Variants in FBXL7 observed in about 807,000 individuals in gnomAD.
FBXL7 encodes F-box/LRR-repeat protein 7.
FBXL7 carries 12 observed loss-of-function variants against 38.3 expected under a neutral mutation model. That is an observed-to-expected ratio of 0.31 (90% confidence interval 0.20 to 0.51). The LOEUF is 0.51. Ranked by LOEUF, FBXL7 falls within the 20% of genes least tolerant of loss-of-function variation. The pLI is 0.98. For missense variants in FBXL7, 567 were observed against 676.4 expected (o/e 0.84, Z 1.79); for synonymous variants, 297 against 300.9 (o/e 0.99, Z 0.13).
At chr5:15,706,313 T>C (rs1028309297) in intron 2 of FBXL7, among the ~76,000 whole-genome samples, 2 of 152,278 alleles carry the variant, frequency 1.3e-5, no homozygotes, top group Admixed American at 6.5e-5. Flanking sequence ...ACCAACTCTC[T>C]CTTGCTCCCA....
At chr5:15,683,416 C>G (rs1163703842) in intron 2 of FBXL7, among the ~76,000 whole-genome samples, 2 of 152,232 alleles carry the variant, frequency 1.3e-5, no homozygotes, top group African/African-American at 4.8e-5. Context: ...GGGCTGTGCT[C>G]TCCGTCACCC....
chr5:15,667,085 T>C (rs1742307739), intron 2 of FBXL7, among the ~76,000 whole-genome samples: 1 of 152,204 alleles, frequency 6.6e-6, no homozygotes, highest in African/African-American at 2.4e-5. Flanking sequence ...TATGGGGATA[T>C]ATTGATGGTA....
intron 2 of FBXL7, among the ~76,000 whole-genome samples, chr5:15,664,985 A>T (rs1410575823): frequency 2.6e-5 from 4 of 152,116 alleles, no homozygotes; most frequent in Non-Finnish European, 5.9e-5. Flanking sequence ...TTAATACCAT[A>T]AAGATGTTAA....
At position 15,774,734 on chromosome 5, in the gene FBXL7, CA is replaced by C. The variant is rs1736816773; in HGVS notation, c.128-153153del. On this transcript the variant is annotated intron_variant, in intron 2 of 3. Coordinates refer to ENST00000504595, the MANE Select transcript of FBXL7 (RefSeq NM_012304.5). ...GTTTAATAATGGCACAAACTAATTT[CA>C]AAGTAGTTAGAGCGACAGTTTTTCC... Among the ~76,000 whole-genome samples the C allele has an allele frequency of 2.6e-5, 4 of 152,176 alleles. No homozygotes were observed. The South Asian group carries it at 8.3e-4, about 31-fold the overall frequency.
intron 2 of FBXL7, among the ~76,000 whole-genome samples, chr5:15,830,527 G>GA (rs1738430006): frequency 8.5e-6 from 1 of 117,366 alleles, no homozygotes; most frequent in South Asian, 3.0e-4. Flanking sequence ...CACACACACG[G>GA]AAAATTTTGC....
chr5:15,594,223 G>A (rs1180547171), intron 1 of FBXL7, among the ~76,000 whole-genome samples: 1 of 152,160 alleles, frequency 6.6e-6, no homozygotes, highest in Non-Finnish European at 1.5e-5. Context: ...GGTTGAGAAG[G>A]CTAAACAGGA....
intron 1 of FBXL7, among the ~76,000 whole-genome samples, chr5:15,556,320 A>G (rs1738238150): frequency 6.6e-6 from 1 of 152,156 alleles, no homozygotes; most frequent in East Asian, 2.0e-4. Context: ...TCTGAGCCCA[A>G]GCAGCCAGGC....
intron 2 of FBXL7, among the ~76,000 whole-genome samples, chr5:15,878,213 G>T (rs185185502): frequency 3.3e-5 from 5 of 152,318 alleles, no homozygotes; most frequent in African/African-American, 1.2e-4. Flanking sequence ...AAGTTGCGGG[G>T]AGTCAGGGAT....
intron 2 of FBXL7, among the ~76,000 whole-genome samples, chr5:15,778,423 G>T (rs1736911777): frequency 6.6e-6 from 1 of 152,036 alleles, no homozygotes; most frequent in Non-Finnish European, 1.5e-5. Flanking sequence ...AACGCTGGGT[G>T]CACAATTAAA....
chr5:15,692,266 G>A (rs1743205894), intron 2 of FBXL7, among the ~76,000 whole-genome samples: 1 of 152,182 alleles, frequency 6.6e-6, no homozygotes, highest in African/African-American at 2.4e-5. Flanking sequence ...CTGAGGTAAT[G>A]CATTTAAGTT....
In FBXL7 at chr5:15,708,399, C is replaced by T. The variant is rs558572794; in HGVS notation, c.127+92327C>T. 2.7e-3 allele frequency among the ~76,000 whole-genome samples: 404 copies of T among 152,328 alleles called. 1 individual carries two copies. The highest frequency in any genetic ancestry group is 9.4e-3 in the African/African-American group (389 of 41,576). Reference sequence around the variant, plus strand: ...TAGCAGATGTAAAGGGGTACCCTTACCTAATTTTCCCTGCTAATTCACTCC... The same window carrying T: ...TAGCAGATGTAAAGGGGTACCCTTATCTAATTTTCCCTGCTAATTCACTCC... On this transcript the variant is annotated intron_variant, in intron 2 of 3. Coordinates refer to ENST00000504595, the MANE Select transcript of FBXL7 (RefSeq NM_012304.5).
At chr5:15,733,519 G>C (rs765890892) in intron 2 of FBXL7, among the ~76,000 whole-genome samples, 2 of 152,200 alleles carry the variant, frequency 1.3e-5, no homozygotes, top group African/African-American at 4.8e-5. Flanking sequence ...AGTATGCCAT[G>C]AATGGAACAC....
intron 2 of FBXL7, among the ~76,000 whole-genome samples, chr5:15,692,017 C>T (rs1743197252): frequency 6.6e-6 from 1 of 152,104 alleles, no homozygotes; most frequent in Admixed American, 6.5e-5. Context: ...TGTGCCGTGG[C>T]TGAGCGTCTG....
intron 1 of FBXL7, 79 bp downstream of exon 1, chr5:15,500,792 G>A: frequency 1.3e-6 from 2 of 1,539,794 alleles, no homozygotes; most frequent in Non-Finnish European, 1.8e-6. Flanking sequence ...TGGGAAGGGA[G>A]GTTCTCGCCC....
At chr5:15,923,930 A>G (rs62348089) in intron 2 of FBXL7, among the ~76,000 whole-genome samples, 8,342 of 152,064 alleles carry the variant, frequency 0.055, 748 homozygotes, top group African/African-American at 0.19. Flanking sequence ...CTGCTTCAAG[A>G]TGAATACAAC....
chr5:15,852,336 G>A (rs1235215362), intron 2 of FBXL7, among the ~76,000 whole-genome samples: 1 of 152,158 alleles, frequency 6.6e-6, no homozygotes, highest in Non-Finnish European at 1.5e-5. Flanking sequence ...AGTAGAGTGT[G>A]GGAAATTGAT....
rs77971367 is a variant in FBXL7 at position 15,642,637 on chromosome 5, A to C, written c.127+26565A>C. Among the ~76,000 whole-genome samples the C allele has an allele frequency of 8.7e-3, 1,321 of 152,344 alleles. 16 individuals are homozygous for C. The highest frequency in any genetic ancestry group is 0.03 in the African/African-American group (1,255 of 41,586). On this transcript the variant is annotated intron_variant, in intron 2 of 3. Transcript: ENST00000504595. Reference sequence around the variant, plus strand: ...ATGAGATTTGGATTGCTCTAGACTCAGTGGGTTGCCATGGAGCAAACTAGG... The same window carrying C: ...ATGAGATTTGGATTGCTCTAGACTCCGTGGGTTGCCATGGAGCAAACTAGG...
intron 1 of FBXL7, among the ~76,000 whole-genome samples, chr5:15,517,005 AT>A (rs1474797088): frequency 6.6e-6 from 1 of 151,762 alleles, no homozygotes; most frequent in Non-Finnish European, 1.5e-5. Flanking sequence ...TGGGTTTTTT[AT>A]TTTTTTATTT....
chr5:15,586,387 C>G (rs1015983710), intron 1 of FBXL7, among the ~76,000 whole-genome samples: 1 of 149,426 alleles, frequency 6.7e-6, no homozygotes, highest in Non-Finnish European at 1.5e-5. Flanking sequence ...CAATCTCTTT[C>G]TCAATATCTC....
Sources: allele counts gnomAD v4.1 joint callset (sites outside exome capture counted in the v4.1 genomes callset), GRCh38; gene constraint gnomAD v4.1.1; transcripts MANE v1.5; gene names NCBI Gene and HGNC (gene_info 2026-07-23, HGNC 2026-07-21).